ZNF253: variants seen among roughly 807,000 people sequenced by gnomAD.
ZNF253 encodes the protein DNA-binding protein.
A neutral mutation model predicts 11.9 loss-of-function variants in ZNF253; 8 were observed. The ratio of observed to expected loss-of-function variants is 0.67; its 90% CI spans 0.40 to 1.22. ZNF253 has a LOEUF of 1.22. Ranked by LOEUF, ZNF253 falls within the 50% of genes most tolerant of loss-of-function variation. The probability of loss-of-function intolerance (pLI) is 0.01; values close to 1 mark genes in which losing one functional copy is unlikely to be tolerated. For synonymous variants in ZNF253, 194 were observed against 194.9 expected, an observed-to-expected ratio of 1.00 and a Z score of 0.04; for missense variants, 485 against 586.9, an observed-to-expected ratio of 0.83 and a Z score of 1.79.
chr19:19,866,132 C>T (rs975000995), intron 1 of ZNF253, 133 bp downstream of exon 1: 1 of 1,181,298 alleles, frequency 8.5e-7, no homozygotes, highest in Non-Finnish European at 1.2e-6. Context: ...CCCAGCTCGG[C>T]CTCAGTCCCC....
rs2063246273 is a variant in ZNF253 at position 19,894,511 on chromosome 19, G to A, written c.*1764G>A. On this transcript the variant is annotated 3_prime_UTR_variant, in exon 4 of 4. Coordinates refer to ENST00000589717, the MANE Select transcript of ZNF253 (RefSeq NM_021047.3). ...GATATTAAGTAATGTGTAAGGTGGGGGTTCATGTTCTCATTTCTATAATCC... is the reference window on the plus strand; with the variant it reads ...GATATTAAGTAATGTGTAAGGTGGGAGTTCATGTTCTCATTTCTATAATCC... 3 of 152,104 alleles carry A rather than the reference G, an allele frequency of 2.0e-5. No homozygotes were observed. The highest frequency in any genetic ancestry group is 2.0e-4 in the Admixed American group (3 of 15,270). 9.4% of individuals were successfully genotyped at this position (152,104 alleles called of 1,614,324 possible).
intron 1 of ZNF253, among the ~76,000 whole-genome samples, chr19:19,873,636 A>G (rs2063143417): frequency 6.6e-6 from 1 of 152,130 alleles, no homozygotes; most frequent in Non-Finnish European, 1.5e-5. Flanking sequence ...GCTTGAATGA[A>G]ACAAGGATGA....
intron 1 of ZNF253, among the ~76,000 whole-genome samples, chr19:19,875,299 T>A (rs1479881867): frequency 6.6e-6 from 1 of 152,208 alleles, no homozygotes; most frequent in African/African-American, 2.4e-5. Context: ...GCAACTTGGT[T>A]TCTATTCCTG....
intron 1 of ZNF253, among the ~76,000 whole-genome samples, chr19:19,867,407 G>A (rs10417492): frequency 0.022 from 3,341 of 151,988 alleles, 119 homozygotes; most frequent in African/African-American, 0.077. Flanking sequence ...TATTGCCCAG[G>A]CTAGAGTGCT....
chr19:19,872,036 C>T (rs1042151573), intron 1 of ZNF253, among the ~76,000 whole-genome samples: 2 of 152,106 alleles, frequency 1.3e-5, no homozygotes, highest in Admixed American at 6.5e-5. Context: ...GCCTTTTTGG[C>T]ATCTATAGTC....
chr19:19,878,782 A>G (rs1343089450), intron 2 of ZNF253, 175 bp downstream of exon 2: 3 of 571,052 alleles, frequency 5.3e-6, no homozygotes, highest in Admixed American at 3.6e-5. Context: ...ATGACCACAA[A>G]GATAACCCTG....
In ZNF253 at chr19:19,891,889, C is replaced by T; in HGVS notation, c.642C>T (p.Asn214=). ...ECGKAFNQSA[N]LTTHKRIHTG... ...GCAAAGCTTTTAACCAATCTGCAAA[C>T]CTTACTACACATAAGAGAATTCATA... Residue 214 remains asparagine, a synonymous_variant, in exon 4 of 4, where the codon AAC becomes AAT. Transcript: ENST00000589717. 6.2e-7 allele frequency: 1 copy of T among 1,613,936 alleles called. No homozygotes were observed. Among genetic ancestry groups the T allele is most frequent in the Non-Finnish European group, 8.5e-7 (1 of 1,179,986 alleles).
chr19:19,886,797 C>G (rs1412688378), intron 3 of ZNF253, among the ~76,000 whole-genome samples: 2 of 152,142 alleles, frequency 1.3e-5, no homozygotes, highest in Non-Finnish European at 2.9e-5. Context: ...ATGCTACTCT[C>G]AAGTATTCCT....
intron 3 of ZNF253, among the ~76,000 whole-genome samples, chr19:19,891,104 T>G (rs1330445267): frequency 6.6e-6 from 1 of 152,088 alleles, no homozygotes; most frequent in African/African-American, 2.4e-5. Flanking sequence ...CCTCCCAAAG[T>G]GCTGTGATTA....
chr19:19,891,007 A>ATTTTTTTTTTTTTTTTTTTTTTTTTT (rs1568501169), intron 3 of ZNF253, among the ~76,000 whole-genome samples: 8 of 149,818 alleles, frequency 5.3e-5, no homozygotes, highest in African/African-American at 2.0e-4. Flanking sequence ...TGTCTGGCTA[A>ATTTTTTTTTTTTTTTTTTTTTTTTTT]TTTTTTGTAT....
intron 3 of ZNF253, among the ~76,000 whole-genome samples, chr19:19,881,891 T>A (rs1599554790): frequency 6.6e-6 from 1 of 152,002 alleles, no homozygotes; most frequent in South Asian, 2.1e-4. Context: ...CAGTGCTACA[T>A]TAAAATAGAA....
chr19:19,892,228 T>C lies in ZNF253; in HGVS notation c.981T>C (p.Leu327=). The change falls in exon 4 of 4, where the codon CTT becomes CTC. Residue 327 remains leucine, a synonymous_variant. Coordinates refer to ENST00000589717, the MANE Select transcript of ZNF253 (RefSeq NM_021047.3). ...AATCCTTTAAGCACTGCTCTAACCTTACTATACATAAGAGAATTCATACAG... is the reference window on the plus strand; with the variant it reads ...AATCCTTTAAGCACTGCTCTAACCTCACTATACATAAGAGAATTCATACAG... ...CGKSFKHCSN[L]TIHKRIHTGE... 1.9e-6 allele frequency: 3 copies of C among 1,613,502 alleles called. No homozygotes were observed. The Middle Eastern group carries it at 5.0e-4, about 267-fold the overall frequency.
intron 3 of ZNF253, among the ~76,000 whole-genome samples, chr19:19,888,158 G>A (rs375210132): frequency 1.3e-4 from 18 of 143,570 alleles, no homozygotes; most frequent in Non-Finnish European, 2.1e-4. Context: ...CTGCCTCTAA[G>A]GTTCAAGTAA....
chr19:19,880,900 A>G (rs2122122252), intron 3 of ZNF253, among the ~76,000 whole-genome samples: 1 of 151,658 alleles, frequency 6.6e-6, no homozygotes, highest in Middle Eastern at 3.4e-3. Flanking sequence ...TGCACAGTCC[A>G]TTCTGTTTTT....
intron 3 of ZNF253, among the ~76,000 whole-genome samples, chr19:19,884,663 C>T (rs73008647): frequency 0.15 from 22,692 of 152,138 alleles, 2,013 homozygotes; most frequent in East Asian, 0.41. Context: ...TGAGCCACTA[C>T]ACTTCGCCTG....
chr19:19,866,159 C>A (rs538048524), intron 1 of ZNF253, among the ~76,000 whole-genome samples, 160 bp downstream of exon 1: 1 of 152,294 alleles, frequency 6.6e-6, no homozygotes, highest in African/African-American at 2.4e-5. Flanking sequence ...CATAAGATGG[C>A]GGCTGCGGTG....
chr19:19,885,353 TC>T (rs1568499305), intron 3 of ZNF253, among the ~76,000 whole-genome samples: 2 of 66,884 alleles, frequency 3.0e-5, no homozygotes, highest in African/African-American at 1.8e-4. Context: ...TTTCTTTCTT[TC>T]TTCCTTTCTT....
chr19:19,870,414 T>C (rs2063129386), intron 1 of ZNF253, among the ~76,000 whole-genome samples: 1 of 150,886 alleles, frequency 6.6e-6, no homozygotes, highest in South Asian at 2.1e-4. Context: ...AAAAGCTACA[T>C]ATATTATGAC....
chr19:19,879,860 G>C (rs2063170154), intron 2 of ZNF253, among the ~76,000 whole-genome samples, 191 bp from the exon 3 acceptor site: 1 of 152,060 alleles, frequency 6.6e-6, no homozygotes, highest in South Asian at 2.1e-4. Flanking sequence ...TGATTCAGTA[G>C]TATCAGATAG....
Sources: allele counts gnomAD v4.1 joint callset (sites outside exome capture counted in the v4.1 genomes callset), GRCh38; gene constraint gnomAD v4.1.1; transcripts MANE v1.5; gene names NCBI Gene and HGNC (gene_info 2026-07-23, HGNC 2026-07-21).